The following NTMT2 variants were observed in gnomAD, a reference collection of about 807,000 sequenced individuals.
The protein encoded by NTMT2 is N-terminal Xaa-Pro-Lys N-methyltransferase 2, also known as X-Pro-Lys N-terminal protein methyltransferase 1B.
Under a neutral mutation model 23.4 loss-of-function variants are expected in NTMT2, and 21 were observed. The observed-to-expected ratio is 0.90, with a 90% CI of 0.64 to 1.29. The LOEUF (loss-of-function observed/expected upper bound fraction) is 1.29, where lower values mean the gene tolerates loss of function less well. Among genes scored for constraint, NTMT2 ranks in the 50% most tolerant of loss-of-function variants. NTMT2 has a pLI of 0.00. For missense variants in NTMT2, 336 were observed against 352.0 expected (o/e 0.95, Z 0.36); for synonymous variants, 131 against 127.7 (o/e 1.03, Z -0.17).
chr1:170,164,321 G>A (rs563086714), intron 2 of NTMT2, among the ~76,000 whole-genome samples: 1 of 152,110 alleles, frequency 6.6e-6, no homozygotes. Context: ...AGAGCAGCAT[G>A]ACCAATAGAG....
intron 1 of NTMT2, among the ~76,000 whole-genome samples, chr1:170,147,038 A>G (rs1376546990): frequency 6.6e-6 from 1 of 152,204 alleles, no homozygotes; most frequent in East Asian, 1.9e-4. Flanking sequence ...TGAAAGCAAG[A>G]AGGCTGTGTA....
rs555632503 is a variant in NTMT2, at chr1:170,155,617, T to C, written c.155-4901T>C. On this transcript the variant is annotated intron_variant, in intron 1 of 3. Coordinates refer to ENST00000439373, the MANE Select transcript of NTMT2 (RefSeq NM_001136107.2). ...ACTGTCTAAACCTAGCTTACTTGTC[T>C]TCTGAAGAATTTTAGATCATTTTTT... is the stretch of plus-strand genomic sequence containing the variant. Among the ~76,000 whole-genome samples, 3 of 152,264 alleles carry C rather than the reference T, an allele frequency of 2.0e-5. No homozygotes were observed. The South Asian group carries it at 6.2e-4, about 32-fold the overall frequency.
intron 1 of NTMT2, among the ~76,000 whole-genome samples, chr1:170,150,564 A>G (rs1333068424): frequency 6.6e-6 from 1 of 152,210 alleles, no homozygotes; most frequent in African/African-American, 2.4e-5. Context: ...TAACTCCATG[A>G]TCTTTTTTAA....
At chr1:170,149,202 C>G (rs78867999) in intron 1 of NTMT2, among the ~76,000 whole-genome samples, 3,028 of 152,278 alleles carry the variant, frequency 0.02, 73 homozygotes, top group South Asian at 0.074. Context: ...CTACAAATAA[C>G]TGTGTATTAA....
intron 3 of NTMT2, 55 bp downstream of exon 3, chr1:170,166,806 C>G: frequency 2.0e-6 from 3 of 1,537,810 alleles, no homozygotes; most frequent in Non-Finnish European, 2.6e-6. Context: ...CCAGAGAAGA[C>G]AGTCCTTGGG....
intron 1 of NTMT2, among the ~76,000 whole-genome samples, chr1:170,154,416 G>A (rs147643405): frequency 6.6e-6 from 1 of 152,302 alleles, no homozygotes; most frequent in East Asian, 1.9e-4. Flanking sequence ...TACAACCTCA[G>A]TATGGACTAG....
At position 170,167,995 on chromosome 1, in the gene NTMT2, A is replaced by G. The variant is rs1394342684; in HGVS notation, c.*238A>G. On this transcript the variant is annotated 3_prime_UTR_variant, in exon 4 of 4. Coordinates refer to ENST00000439373, the MANE Select transcript of NTMT2 (RefSeq NM_001136107.2). Reference sequence around the variant, plus strand: ...TGAAAAAAAAATGGAGTGAAATATCAGGAAACGTGCTTTAAATCCGTTTGT... The same window carrying G: ...TGAAAAAAAAATGGAGTGAAATATCGGGAAACGTGCTTTAAATCCGTTTGT... Among the ~76,000 whole-genome samples the G allele has an allele frequency of 6.6e-6, 1 of 152,172 alleles. No homozygotes were observed.
At chr1:170,159,099 G>C (rs939322788) in intron 1 of NTMT2, among the ~76,000 whole-genome samples, 1 of 151,134 alleles carries the variant, frequency 6.6e-6, no homozygotes, top group African/African-American at 2.4e-5. Flanking sequence ...AATAGATAAG[G>C]TTTCCTTTGT....
intron 1 of NTMT2, among the ~76,000 whole-genome samples, chr1:170,154,411 C>T (rs936845598): frequency 6.6e-6 from 1 of 152,182 alleles, no homozygotes; most frequent in South Asian, 2.1e-4. Flanking sequence ...CAGTTTACAA[C>T]CTCAGTATGG....
At chr1:170,158,398 T>G (rs1673205570) in intron 1 of NTMT2, among the ~76,000 whole-genome samples, 1 of 152,084 alleles carries the variant, frequency 6.6e-6, no homozygotes, top group African/African-American at 2.4e-5. Context: ...TCATTATTTG[T>G]CTGAAGTTCA....
Position 170,166,580 on chromosome 1 carries a change from C to T in NTMT2, c.409C>T (p.Pro137Ser). The change falls in exon 3 of 4, where the codon CCT becomes TCT. Residue 137 changes from proline (P) to serine (S), a missense_variant. Coordinates refer to ENST00000439373, the MANE Select transcript of NTMT2 (RefSeq NM_001136107.2). ...IGRVSKHVLL[P>S]VFNSVELVDM... Reference sequence around the variant, plus strand: ...AAGGGTCAGCAAACACGTCTTATTGCCTGTTTTCAACAGTGTGGAGCTGGT... The same window carrying T: ...AAGGGTCAGCAAACACGTCTTATTGTCTGTTTTCAACAGTGTGGAGCTGGT... 3.2e-6 allele frequency: 5 copies of T among 1,552,246 alleles called. No homozygotes were observed. The highest frequency in any genetic ancestry group is 4.4e-6 in the Non-Finnish European group (5 of 1,147,106).
chr1:170,146,158 C>G lies in NTMT2; in HGVS notation c.51C>G (p.Thr17=). The G allele has an allele frequency of 6.4e-7, 1 of 1,551,284 alleles. No homozygotes were observed. Among genetic ancestry groups the G allele is most frequent in the Non-Finnish European group, 8.7e-7 (1 of 1,146,832 alleles). Residue 17 remains threonine, a synonymous_variant, in exon 1 of 4, where the codon ACC becomes ACG. Transcript: ENST00000439373. ...CCTTTAGATCCCGCTGGCAGAAGAC[C>G]GACGATGAACTCTGTAGACATAGCA... ...HFAFRSRWQK[T]DDELCRHSMS... is the part of the protein sequence containing the mutation.
Position 170,160,709 on chromosome 1 carries a change from G to T in NTMT2, c.330+16G>T. 1 of 1,507,584 alleles carries T rather than the reference G, an allele frequency of 6.6e-7. No homozygotes were observed. The highest frequency in any genetic ancestry group is 8.9e-7 in the Non-Finnish European group (1 of 1,128,922). The allele number at this position is 1,507,584 out of a possible 1,614,324, so 93.4% of individuals were successfully genotyped here. On this transcript the variant is annotated intron_variant, in intron 2 of 3. Transcript: ENST00000439373. ...ATTTGTTGGGGTGAGTTATTCAACT[G>T]CAGCTTGATGAGAAGGCAAAGTCCT...
At chr1:170,156,674 T>C (rs994462757) in intron 1 of NTMT2, among the ~76,000 whole-genome samples, 6 of 152,070 alleles carry the variant, frequency 3.9e-5, no homozygotes, top group Admixed American at 2.0e-4. Flanking sequence ...ATATGCACAA[T>C]TGCAGAAGCT....
At chr1:170,163,417 G>A (rs997297196) in intron 2 of NTMT2, among the ~76,000 whole-genome samples, 1 of 152,200 alleles carries the variant, frequency 6.6e-6, no homozygotes, top group African/African-American at 2.4e-5. Flanking sequence ...TTAATGACAT[G>A]AGACAGTGGG....
At chr1:170,166,467 C>T (rs61825691) in intron 2 of NTMT2, 35 bp from the exon 3 acceptor site, 241,852 of 1,550,438 alleles carry the variant, frequency 0.16, 19,813 homozygotes, top group Admixed American at 0.24. Context: ...AAGGATGGGT[C>T]TCTGTACTTG....
chr1:170,149,187 C>A (rs1673021382), intron 1 of NTMT2, among the ~76,000 whole-genome samples: 1 of 152,178 alleles, frequency 6.6e-6, no homozygotes, highest in African/African-American at 2.4e-5. Flanking sequence ...ACAATGGATG[C>A]AAATCTACAA....
chr1:170,168,801 G>A lies in NTMT2; in HGVS notation c.*1044G>A, dbSNP rs999550777. 6.6e-6 allele frequency among the ~76,000 whole-genome samples: 1 copy of A among 152,152 alleles called. No homozygotes were observed. Among genetic ancestry groups the A allele is most frequent in the Non-Finnish European group, 1.5e-5 (1 of 68,026 alleles). On this transcript the variant is annotated 3_prime_UTR_variant, in exon 4 of 4. Coordinates refer to ENST00000439373, the MANE Select transcript of NTMT2 (RefSeq NM_001136107.2). ...GAGAAGCAGCAAAAGAAATGGACAA[G>A]GAAATGATAACCCTGAAAATTGACT...
intron 1 of NTMT2, among the ~76,000 whole-genome samples, chr1:170,155,774 G>A (rs1673153889): frequency 6.6e-6 from 1 of 152,034 alleles, no homozygotes; most frequent in African/African-American, 2.4e-5. Flanking sequence ...AAAACTTCCT[G>A]TTTGTCAGAA....
Sources: allele counts gnomAD v4.1 joint callset (sites outside exome capture counted in the v4.1 genomes callset), GRCh38; gene constraint gnomAD v4.1.1; transcripts MANE v1.5; gene names NCBI Gene and HGNC (gene_info 2026-07-23, HGNC 2026-07-21).